The following SYNE2 variants were observed in gnomAD, a reference collection of about 807,000 sequenced individuals.
SYNE2 encodes spectrin repeat containing nuclear envelope protein 2, also known as nesprin-2.
SYNE2 carries 431 observed loss-of-function variants against 856.3 expected under a neutral mutation model. The ratio of observed to expected loss-of-function variants is 0.50; its 90% confidence interval spans 0.47 to 0.55. The LOEUF (loss-of-function observed/expected upper bound fraction) is 0.55, where lower values mean the gene tolerates loss of function less well. Ranked by LOEUF, SYNE2 falls within the 20% of genes least tolerant of loss-of-function variation. The pLI is 0.00. For missense variants in SYNE2, 8,129 were observed against 8,023.2 expected, an observed-to-expected ratio of 1.01 and a Z score of -0.50; for synonymous variants, 2,923 against 2,872.3, an observed-to-expected ratio of 1.02 and a Z score of -0.56.
At chr14:63,903,445 T>G (rs1217281046) in intron 1 of SYNE2, among the ~76,000 whole-genome samples, 3 of 152,204 alleles carry the variant, frequency 2.0e-5, no homozygotes, top group African/African-American at 7.2e-5. Flanking sequence ...TGGTTTTTTT[T>G]GGGTGCTATG....
chr14:64,135,941 T>G (rs1213582748), intron 78 of SYNE2, among the ~76,000 whole-genome samples: 1 of 152,110 alleles, frequency 6.6e-6, no homozygotes, highest in Non-Finnish European at 1.5e-5. Flanking sequence ...CAAACCTGTG[T>G]TCAAATGCTG....
At chr14:64,046,885 G>C (rs960673257) in intron 45 of SYNE2, among the ~76,000 whole-genome samples, 6 of 152,364 alleles carry the variant, frequency 3.9e-5, no homozygotes, top group Non-Finnish European at 7.3e-5. Context: ...TGGCACCTGG[G>C]TGAGGGTGCT....
rs1284212626 is a variant in SYNE2 at position 64,065,465 on chromosome 14, G to A, written c.10246G>A (p.Glu3416Lys). The change falls in exon 51 of 116, where the codon GAG (glutamate) becomes AAG (lysine). Residue 3416 changes from glutamate (E) to lysine (K), a missense_variant. Glu to Lys is a moderately conservative substitution (Grantham distance 56, BLOSUM62 1). Coordinates refer to ENST00000555002, the MANE Select transcript of SYNE2 (RefSeq NM_182914.3). ...GTCAAATCTTATATCAACCAAAGAA[G>A]AGTTAATGAAACTACGACAGATCCT... ...LVSNLISTKE[E>K]LMKLRQILRL... The A allele has an allele frequency of 3.1e-6, 5 of 1,614,092 alleles. No individual in the cohort carries two copies. Among genetic ancestry groups the A allele is most frequent in the Non-Finnish European group, 4.2e-6 (5 of 1,180,030 alleles).
At chr14:63,832,750 C>T (rs1407710610) in intron 1 of SYNE2, among the ~76,000 whole-genome samples, 6 of 150,198 alleles carry the variant, frequency 4.0e-5, no homozygotes, top group Non-Finnish European at 7.4e-5. Context: ...TAATGCAGAC[C>T]GGGTGCCATG....
chr14:64,219,847 C>G (rs1198055714), intron 110 of SYNE2, among the ~76,000 whole-genome samples: 1 of 152,148 alleles, frequency 6.6e-6, no homozygotes, highest in Non-Finnish European at 1.5e-5. Flanking sequence ...ATCCCGTGGC[C>G]TGACCTCATT....
chr14:63,794,978 C>T (rs566138466), intron 1 of SYNE2, among the ~76,000 whole-genome samples: 14 of 152,286 alleles, frequency 9.2e-5, no homozygotes, highest in African/African-American at 2.4e-4. Flanking sequence ...TTGTTTGTGA[C>T]GGGGTCTTAC....
intron 1 of SYNE2, among the ~76,000 whole-genome samples, chr14:63,827,294 T>A (rs1489234517): frequency 1.9e-5 from 2 of 105,104 alleles, no homozygotes; most frequent in Admixed American, 9.8e-5. Context: ...AAAAAAAAAT[T>A]ATTGCAACTC....
In SYNE2 at chr14:64,091,157, G is replaced by A. The variant is rs148845677; in HGVS notation, c.11976+109G>A. On this transcript the variant is annotated intron_variant, in intron 60 of 115. Transcript: ENST00000555002. ...CATTATTATCCTATTATTGTAGGAG[G>A]TGGCATTTGATATAAAAGCATATCT... 216 of 1,028,706 alleles carry A rather than the reference G, an allele frequency of 2.1e-4. No homozygotes were observed. In the African/African-American group the frequency reaches 2.6e-3, roughly 12 times the overall value. The allele number at this position is 1,028,706 out of a possible 1,614,324, so 63.7% of individuals were successfully genotyped here. A position where few individuals can be genotyped will look rare whatever the true frequency, so the allele number is the denominator to read the frequency against.
chr14:63,964,136 C>A (rs1451488281), intron 10 of SYNE2, 136 bp downstream of exon 10: 3 of 633,104 alleles, frequency 4.7e-6, no homozygotes, highest in Non-Finnish European at 8.3e-6. Flanking sequence ...AATTCTAGGA[C>A]TGTACTTCCG....
chr14:64,017,367 C>T (rs1289413397), intron 33 of SYNE2, among the ~76,000 whole-genome samples: 1 of 143,080 alleles, frequency 7.0e-6, no homozygotes. Context: ...ATTAGGAAGA[C>T]TATTGATTTC....
intron 34 of SYNE2, among the ~76,000 whole-genome samples, chr14:64,019,348 A>T (rs2096919172): frequency 1.3e-5 from 2 of 152,142 alleles, no homozygotes; most frequent in Non-Finnish European, 1.5e-5. Context: ...GGTTCAACGT[A>T]ACATAAAAAT....
intron 111 of SYNE2, among the ~76,000 whole-genome samples, chr14:64,221,001 G>A (rs1596313255): frequency 2.0e-5 from 3 of 152,244 alleles, no homozygotes; most frequent in Middle Eastern, 3.4e-3. Context: ...ATGTGACTTT[G>A]AGCAAAGCAT....
intron 62 of SYNE2, chr14:64,098,484 C>T (rs1796651826): frequency 3.4e-6 from 2 of 589,258 alleles, no homozygotes; most frequent in Admixed American, 3.0e-5. Flanking sequence ...TAAGTCTTCT[C>T]TGCATTCACA....
intron 2 of SYNE2, among the ~76,000 whole-genome samples, chr14:63,911,010 A>G (rs902029701): frequency 6.6e-6 from 1 of 152,064 alleles, no homozygotes; most frequent in Non-Finnish European, 1.5e-5. Flanking sequence ...ATGGCTCCCT[A>G]TCACATGTGG....
At chr14:63,975,064 G>A in intron 11 of SYNE2, among the ~76,000 whole-genome samples, 1 of 151,072 alleles carries the variant, frequency 6.6e-6, no homozygotes, top group Non-Finnish European at 1.5e-5. Flanking sequence ...CTCTGGATAG[G>A]TGGTTCAGGC....
intron 33 of SYNE2, among the ~76,000 whole-genome samples, chr14:64,017,115 A>C (rs1294183667): frequency 6.6e-6 from 1 of 152,088 alleles, no homozygotes; most frequent in South Asian, 2.1e-4. Flanking sequence ...GAATCACCTG[A>C]GGTCAGGGGT....
chr14:63,935,982 C>T (rs1477580687), intron 2 of SYNE2, among the ~76,000 whole-genome samples: 2 of 152,218 alleles, frequency 1.3e-5, no homozygotes, highest in African/African-American at 2.4e-5. Context: ...TCAAGCGATT[C>T]TCCTGCTTCA....
At chr14:63,840,131 G>A (rs1039902297) in intron 1 of SYNE2, among the ~76,000 whole-genome samples, 3 of 152,138 alleles carry the variant, frequency 2.0e-5, no homozygotes, top group Non-Finnish European at 2.9e-5. Flanking sequence ...TTAGCCGGGC[G>A]TGGTGTCACA....
rs964331232 is a variant in SYNE2, at chr14:64,209,524, A to C, written c.18486A>C (p.Pro6162=). 2 of 1,614,228 alleles carry C rather than the reference A, an allele frequency of 1.2e-6. No individual in the cohort carries two copies. Among genetic ancestry groups the C allele is most frequent in the Middle Eastern group, 1.6e-4 (1 of 6,062 alleles). ...LKSAERTAAC[P]NSSEVLYTSA... ...CAGCTGAGAGGACGGCAGCCTGCCC[A>C]AATTCCTCAGAGGTGTTGTACACGA... The change falls in exon 102 of 116, where the codon CCA becomes CCC. Residue 6162 remains proline, a synonymous_variant. Coordinates refer to ENST00000555002, the MANE Select transcript of SYNE2 (RefSeq NM_182914.3).
Sources: gnomAD v4.1 joint callset for allele counts (sites outside exome capture counted in the v4.1 genomes callset) on GRCh38, gnomAD v4.1.1 for gene constraint, MANE v1.5 for transcripts, NCBI Gene and HGNC (gene_info 2026-07-23, HGNC 2026-07-21) for gene names.